C1orf162: variants seen among roughly 807,000 people sequenced by gnomAD.
C1orf162 encodes chromosome 1 open reading frame 162.
In C1orf162, 10 loss-of-function variants were observed where a neutral mutation model predicts 11.4. The observed-to-expected ratio is 0.88, with a 90% CI of 0.54 to 1.48. The LOEUF is 1.48. Ranked by LOEUF, C1orf162 falls within the 40% of genes most tolerant of loss-of-function variation. C1orf162 has a pLI of 0.00. For synonymous variants in C1orf162, 53 were observed against 55.0 expected, an observed-to-expected ratio of 0.96 and a Z score of 0.16; for missense variants, 140 against 149.5, an observed-to-expected ratio of 0.94 and a Z score of 0.33.
intron 4 of C1orf162, 88 bp downstream of exon 4, chr1:111,477,516 G>C: frequency 6.7e-7 from 1 of 1,487,632 alleles, no homozygotes; most frequent in Non-Finnish European, 9.4e-7. Flanking sequence ...GAGGAGGTAG[G>C]GGAGGGTGCA....
At position 111,477,964 on chromosome 1, in the gene C1orf162, C is replaced by A; in HGVS notation, c.253-19C>A. Reference sequence around the variant, plus strand: ...CTCCAGACTGGACTCACTCATTCCTCCTTTTTCTCCCTCTGCAGCTTTCAT... The same window carrying A: ...CTCCAGACTGGACTCACTCATTCCTACTTTTTCTCCCTCTGCAGCTTTCAT... On this transcript the variant is annotated intron_variant, in intron 5 of 5. Coordinates refer to ENST00000369718, the MANE Select transcript of C1orf162 (RefSeq NM_001300834.2). The A allele has an allele frequency of 6.2e-7, 1 of 1,614,126 alleles. No individual in the cohort carries two copies. Among genetic ancestry groups the A allele is most frequent in the Non-Finnish European group, 8.5e-7 (1 of 1,180,002 alleles).
At chr1:111,474,283 G>C (rs1221365038) in intron 1 of C1orf162, among the ~76,000 whole-genome samples, 1 of 152,210 alleles carries the variant, frequency 6.6e-6, no homozygotes, top group African/African-American at 2.4e-5. Context: ...GGGTTGTGCT[G>C]AAAGGGAAAT....
In C1orf162 at chr1:111,478,152, A is replaced by G. The variant is rs1654063794; in HGVS notation, c.*29A>G. On this transcript the variant is annotated 3_prime_UTR_variant, in exon 6 of 6. Coordinates refer to ENST00000369718, the MANE Select transcript of C1orf162 (RefSeq NM_001300834.2). ...AGCTTTTCCAATGAGGCTTGAATCC[A>G]TTTCCTCTCATCTCAGCCCTATCTT... The G allele has an allele frequency of 6.2e-7, 1 of 1,612,888 alleles. No individual in the cohort carries two copies. Among genetic ancestry groups the G allele is most frequent in the Non-Finnish European group, 8.5e-7 (1 of 1,179,074 alleles).
chr1:111,477,758 T>C lies in C1orf162; in HGVS notation c.235T>C (p.Ser79Pro), dbSNP rs765928287. The change falls in exon 5 of 6, where the codon TCA becomes CCA. Residue 79 changes from serine (S) to proline (P), a missense_variant. Transcript: ENST00000369718. ...HSKPQAPDPHSDPPAKLSSIP... is the reference protein window; with the variant it reads ...HSKPQAPDPHPDPPAKLSSIP... ...CAAGCCCCAGGCCCCAGATCCTCAC[T>C]CAGATCCTCCAGCCAAGGTAAGATG... The C allele has an allele frequency of 3.7e-6, 6 of 1,613,912 alleles. No individual in the cohort carries two copies. The highest frequency in any genetic ancestry group is 5.1e-6 in the Non-Finnish European group (6 of 1,180,018).
intron 3 of C1orf162, 131 bp downstream of exon 3, chr1:111,476,998 C>A: frequency 9.8e-7 from 1 of 1,020,470 alleles, no homozygotes; most frequent in South Asian, 1.3e-5. Flanking sequence ...AGAACAAAGT[C>A]AGTTTGTGAT....
intron 4 of C1orf162, 35 bp from the exon 5 acceptor site, chr1:111,477,691 G>A: frequency 6.2e-7 from 1 of 1,611,884 alleles, no homozygotes; most frequent in Non-Finnish European, 8.5e-7. Flanking sequence ...GCCCATTGCT[G>A]AGATGGGTCC....
chr1:111,477,890 T>A (rs1654052927), intron 5 of C1orf162, 93 bp from the exon 6 acceptor site: 1 of 1,596,170 alleles, frequency 6.3e-7, no homozygotes, highest in Non-Finnish European at 8.6e-7. Context: ...ACTGGGCAAG[T>A]GATTCTTTGA....
At chr1:111,475,940 C>T in intron 1 of C1orf162, 78 bp from the exon 2 acceptor site, 1 of 1,132,366 alleles carries the variant, frequency 8.8e-7, no homozygotes. Flanking sequence ...TCTTATATGA[C>T]AATCACAGTC....
intron 5 of C1orf162, 97 bp from the exon 6 acceptor site, chr1:111,477,886 C>A (rs1557809683): frequency 3.5e-5 from 56 of 1,594,896 alleles, no homozygotes; most frequent in Non-Finnish European, 4.4e-5. Flanking sequence ...AGACACTGGG[C>A]AAGTGATTCT....
In C1orf162 at chr1:111,478,092, T is replaced by C. The variant is rs1215070951; in HGVS notation, c.362T>C (p.Ile121Thr). Residue 121 changes from isoleucine to threonine, a missense_variant, in exon 6 of 6, where the codon ATT (isoleucine) becomes ACT (threonine). By Grantham distance (89) the Ile-to-Thr change is moderately conservative (BLOSUM62 -1). Coordinates refer to ENST00000369718, the MANE Select transcript of C1orf162 (RefSeq NM_001300834.2). ...AENHSADFDP[I>T]VYAQIKVTN ...AACCATTCTGCAGACTTTGACCCCA[T>C]TGTCTATGCTCAAATTAAAGTAACA... 2 of 1,614,080 alleles carry C rather than the reference T, an allele frequency of 1.2e-6. No homozygotes were observed. Among genetic ancestry groups the C allele is most frequent in the Non-Finnish European group, 1.7e-6 (2 of 1,180,014 alleles).
Position 111,476,080 on chromosome 1 carries a change from G to A in C1orf162, c.37+15G>A. On this transcript the variant is annotated intron_variant, in intron 2 of 5. Transcript: ENST00000369718. ...ACCCGACACTGGTGAGTTTACGACA[G>A]GAATAATTACCTGCCTCACGTCTGA... is the stretch of plus-strand genomic sequence containing the variant. The A allele has an allele frequency of 6.2e-7, 1 of 1,609,560 alleles. No individual in the cohort carries two copies. The highest frequency in any genetic ancestry group is 8.5e-7 in the Non-Finnish European group (1 of 1,176,090).
Position 111,478,321 on chromosome 1 carries a change from G to A in C1orf162, c.*198G>A. 3.0e-6 allele frequency: 2 copies of A among 661,302 alleles called. No homozygotes were observed. Among genetic ancestry groups the A allele is most frequent in the Non-Finnish European group, 5.1e-6 (2 of 393,206 alleles). The allele number at this position is 661,302 out of a possible 1,614,324, so 41.0% of individuals were successfully genotyped here. ...TCTTTTCCTGGCCAGAGGAAAGATTGATGGCCCTCCCACTTGAACTGACAG... is the reference window on the plus strand; with the variant it reads ...TCTTTTCCTGGCCAGAGGAAAGATTAATGGCCCTCCCACTTGAACTGACAG... On this transcript the variant is annotated 3_prime_UTR_variant, in exon 6 of 6. Coordinates refer to ENST00000369718, the MANE Select transcript of C1orf162 (RefSeq NM_001300834.2).
intron 4 of C1orf162, 133 bp from the exon 5 acceptor site, chr1:111,477,593 C>G: frequency 7.0e-7 from 1 of 1,435,876 alleles, no homozygotes; most frequent in South Asian, 1.2e-5. Context: ...CATTTTTCTT[C>G]CGCCCTGCCC....
At chr1:111,476,095 C>T in intron 2 of C1orf162, 30 bp downstream of exon 2, 1 of 1,602,580 alleles carries the variant, frequency 6.2e-7, no homozygotes. Flanking sequence ...AATTACCTGC[C>T]TCACGTCTGA....
chr1:111,474,874 T>C (rs988530872), intron 1 of C1orf162: 10 of 152,220 alleles, frequency 6.6e-5, no homozygotes, highest in African/African-American at 2.4e-4. Context: ...GACTTGGAAG[T>C]TAACTTTTGA....
chr1:111,475,568 TA>T (rs1207653300), intron 1 of C1orf162: 3 of 166,902 alleles, frequency 1.8e-5, no homozygotes, highest in Non-Finnish European at 4.0e-5. Flanking sequence ...GCAGTCAATA[TA>T]AAAATCATCC....
At chr1:111,475,190 A>G (rs562056304) in intron 1 of C1orf162, 2 of 152,362 alleles carry the variant, frequency 1.3e-5, no homozygotes, top group East Asian at 1.9e-4. Flanking sequence ...AATGTTATAA[A>G]AAGTTTTTAG....
rs200537788 is a variant in C1orf162, at chr1:111,477,719, A to G, written c.203-7A>G. ...ATGGGTCCCTCTTCTTTCTGGCACC[A>G]TGGCAGATCACTCCAAGCCCCAGGC... On this transcript the variant is annotated splice_region_variant and splice_polypyrimidine_tract_variant and intron_variant, in intron 4 of 5. Transcript: ENST00000369718. The G allele has an allele frequency of 1.1e-5, 17 of 1,612,668 alleles. No individual in the cohort carries two copies. The African/African-American group carries it at 1.9e-4, about 18-fold the overall frequency.
rs1571390058 is a variant in C1orf162, at chr1:111,478,064, G to A, written c.334G>A (p.Glu112Lys). 5 of 1,614,172 alleles carry A rather than the reference G, an allele frequency of 3.1e-6. No individual in the cohort carries two copies. The highest frequency in any genetic ancestry group is 4.2e-6 in the Non-Finnish European group (5 of 1,180,010). ...LSEEKSNHLA[E>K]NHSADFDPIV... is the part of the protein sequence containing the mutation. ...AGAAGAAAAGAGCAATCACTTGGCT[G>A]AGAACCATTCTGCAGACTTTGACCC... The change falls in exon 6 of 6, where the codon GAG (glutamate) becomes AAG (lysine). Residue 112 changes from glutamate to lysine, a missense_variant. Physicochemically the swap from Glu to Lys is moderately conservative, Grantham distance 56. Transcript: ENST00000369718.
Sources: allele counts gnomAD v4.1 joint callset (sites outside exome capture counted in the v4.1 genomes callset), GRCh38; gene constraint gnomAD v4.1.1; transcripts MANE v1.5; gene names NCBI Gene and HGNC (gene_info 2026-07-23, HGNC 2026-07-21).